EEA1: variants seen among roughly 807,000 people sequenced by gnomAD.
EEA1 encodes the protein early endosome antigen 1.
In EEA1, 111 loss-of-function variants were observed where a neutral mutation model predicts 209.2. The ratio of observed to expected loss-of-function variants is 0.53; its 90% CI spans 0.45 to 0.62. The LOEUF (loss-of-function observed/expected upper bound fraction) is 0.62, where lower values mean the gene tolerates loss of function less well. Among genes scored for constraint, EEA1 ranks in the 20% least tolerant of loss-of-function variants. EEA1 has a pLI of 0.00. For missense variants in EEA1, 1,343 were observed against 1,530.8 expected (o/e 0.88, Z 2.05); for synonymous variants, 536 against 540.6 (o/e 0.99, Z 0.12).
chr12:92,822,411 T>A (rs79681567), intron 13 of EEA1, among the ~76,000 whole-genome samples: 2 of 152,166 alleles, frequency 1.3e-5, no homozygotes, highest in East Asian at 1.9e-4. Flanking sequence ...TCTATTACTT[T>A]ACTGAAATTA....
At chr12:92,913,260 T>C (rs899817164) in intron 1 of EEA1, among the ~76,000 whole-genome samples, 6 of 152,256 alleles carry the variant, frequency 3.9e-5, no homozygotes, top group African/African-American at 9.6e-5. Flanking sequence ...TGTAAGATGG[T>C]ATCTCAATGC....
chr12:92,913,704 G>A (rs950681579), intron 1 of EEA1, among the ~76,000 whole-genome samples: 6 of 151,952 alleles, frequency 3.9e-5, no homozygotes, highest in East Asian at 1.9e-4. Context: ...TCTGTCACCC[G>A]GGCTGGAGTG....
intron 1 of EEA1, among the ~76,000 whole-genome samples, chr12:92,905,778 T>C (rs973463913): frequency 1.3e-5 from 2 of 152,172 alleles, no homozygotes; most frequent in Non-Finnish European, 2.9e-5. Flanking sequence ...AAAATGTTAT[T>C]GTTTACTTAT....
chr12:92,789,287 CA>C (rs35631295), intron 21 of EEA1, among the ~76,000 whole-genome samples: 57 of 124,302 alleles, frequency 4.6e-4, no homozygotes, highest in Non-Finnish European at 4.2e-4. Context: ...GACGCCATCT[CA>C]AAAAAAAAAA....
intron 21 of EEA1, among the ~76,000 whole-genome samples, chr12:92,797,625 G>A (rs968371445): frequency 2.6e-5 from 4 of 151,926 alleles, no homozygotes; most frequent in African/African-American, 7.2e-5. Flanking sequence ...CTATAAAAAC[G>A]AAGATTTTGT....
chr12:92,910,405 G>A (rs566646872), intron 1 of EEA1, among the ~76,000 whole-genome samples: 1 of 151,460 alleles, frequency 6.6e-6, no homozygotes. Flanking sequence ...GGAGGCGGAG[G>A]TTGCAGTGAG....
At chr12:92,830,142 C>T (rs1876559814) in intron 11 of EEA1, among the ~76,000 whole-genome samples, 1 of 151,948 alleles carries the variant, frequency 6.6e-6, no homozygotes, top group South Asian at 2.1e-4. Flanking sequence ...ACTTTTACCC[C>T]CTAAATATAT....
At chr12:92,833,719 A>C (rs1431428995) in intron 10 of EEA1, among the ~76,000 whole-genome samples, 1 of 152,184 alleles carries the variant, frequency 6.6e-6, no homozygotes, top group African/African-American at 2.4e-5. Flanking sequence ...GATGACACTG[A>C]AATAGGAAAG....
At chr12:92,807,638 CATA>C in intron 18 of EEA1, among the ~76,000 whole-genome samples, 1 of 151,836 alleles carries the variant, frequency 6.6e-6, no homozygotes, top group Non-Finnish European at 1.5e-5. Flanking sequence ...TTATACTAGT[CATA>C]AGTGGAAAAT....
At chr12:92,792,124 G>C (rs551869380) in intron 21 of EEA1, among the ~76,000 whole-genome samples, 131 of 152,272 alleles carry the variant, frequency 8.6e-4, no homozygotes, top group African/African-American at 3.1e-3. Context: ...ATTTAAAGCA[G>C]TGTGTAGAGG....
At chr12:92,823,757 T>C (rs1420316620) in intron 13 of EEA1, among the ~76,000 whole-genome samples, 1 of 152,234 alleles carries the variant, frequency 6.6e-6, no homozygotes, top group Non-Finnish European at 1.5e-5. Context: ...AATAACCATG[T>C]TCAACTGAGT....
chr12:92,850,506 A>G (rs570165776), intron 9 of EEA1, among the ~76,000 whole-genome samples: 20 of 152,202 alleles, frequency 1.3e-4, no homozygotes, highest in Admixed American at 5.2e-4. Flanking sequence ...CCTGGCCAAC[A>G]TGGTGAAGCC....
At chr12:92,805,896 A>G (rs1199190356) in intron 18 of EEA1, among the ~76,000 whole-genome samples, 3 of 152,364 alleles carry the variant, frequency 2.0e-5, no homozygotes, top group East Asian at 3.9e-4. Flanking sequence ...CAGAGCTGCC[A>G]TGAATCCATT....
chr12:92,849,848 C>T (rs773922419), intron 9 of EEA1, among the ~76,000 whole-genome samples: 16 of 152,026 alleles, frequency 1.1e-4, no homozygotes, highest in African/African-American at 3.9e-4. Flanking sequence ...TAAAATGTTA[C>T]GGTAACAACT....
intron 2 of EEA1, among the ~76,000 whole-genome samples, chr12:92,876,102 C>CACT (rs1366580977): frequency 2.0e-5 from 3 of 152,094 alleles, no homozygotes; most frequent in Admixed American, 6.6e-5. Flanking sequence ...GACAGGGTCT[C>CACT]ACTCTATCAT....
At chr12:92,825,129 G>C (rs1005467013) in intron 13 of EEA1, among the ~76,000 whole-genome samples, 1 of 152,178 alleles carries the variant, frequency 6.6e-6, no homozygotes, top group African/African-American at 2.4e-5. Context: ...ATTAATGAAA[G>C]AATGAATTAA....
At chr12:92,835,316 T>TA (rs1876867932) in intron 10 of EEA1, 1 of 262,072 alleles carries the variant, frequency 3.8e-6, no homozygotes, top group Non-Finnish European at 7.7e-6. Context: ...TATAATGAGT[T>TA]AGAGTCTTCT....
At chr12:92,779,364 AAATTTATGC>A (rs1873799541) in intron 24 of EEA1, 64 bp from the exon 25 acceptor site, 1 of 1,433,604 alleles carries the variant, frequency 7.0e-7, no homozygotes, top group Non-Finnish European at 9.3e-7. Context: ...AATTTGGCTA[AAATTTATGC>A]AATTTATCAC....
At chr12:92,819,595 C>T in intron 13 of EEA1, 84 bp from the exon 14 acceptor site, 1 of 974,424 alleles carries the variant, frequency 1.0e-6, no homozygotes, top group Non-Finnish European at 1.5e-6. Flanking sequence ...ATAATAAATT[C>T]TATCACTCAA....
Sources: gnomAD v4.1 joint callset for allele counts (sites outside exome capture counted in the v4.1 genomes callset) on GRCh38, gnomAD v4.1.1 for gene constraint, MANE v1.5 for transcripts, NCBI Gene and HGNC (gene_info 2026-07-23, HGNC 2026-07-21) for gene names.